The following SMARCA2 variants were observed in gnomAD, a reference collection of about 807,000 sequenced individuals.
SMARCA2 encodes SWI/SNF related BAF chromatin remodeling complex subunit ATPase 2.
A neutral mutation model predicts 199.8 loss-of-function variants in SMARCA2; 61 were observed. That is an observed-to-expected ratio of 0.31 (90% CI 0.25 to 0.38). The LOEUF (loss-of-function observed/expected upper bound fraction) is 0.38, where lower values mean the gene tolerates loss of function less well. Among genes scored for constraint, SMARCA2 ranks in the 10% least tolerant of loss-of-function variants. The pLI is 1.00. For missense variants in SMARCA2, 1,344 were observed against 2,012.2 expected (o/e 0.67, Z 6.35); for synonymous variants, 935 against 732.0 (o/e 1.28, Z -4.48).
intron 27 of SMARCA2, among the ~76,000 whole-genome samples, chr9:2,155,629 T>C (rs1241120725): frequency 2.6e-5 from 4 of 151,726 alleles, no homozygotes; most frequent in South Asian, 4.1e-4. Context: ...AGTGTATTAA[T>C]TGACCTTGTC....
At chr9:2,143,156 T>C (rs1223758591) in intron 27 of SMARCA2, among the ~76,000 whole-genome samples, 1 of 152,196 alleles carries the variant, frequency 6.6e-6, no homozygotes, top group Non-Finnish European at 1.5e-5. Context: ...TTTTAGCCTT[T>C]TCTTAAAAGA....
chr9:2,094,215 T>A (rs1822176815), intron 19 of SMARCA2, among the ~76,000 whole-genome samples: 3 of 152,214 alleles, frequency 2.0e-5, no homozygotes, highest in African/African-American at 7.2e-5. Context: ...GTGAAGCTTA[T>A]GTGATTTTTG....
At chr9:2,141,965 G>C (rs563812395) in intron 27 of SMARCA2, among the ~76,000 whole-genome samples, 60 of 152,242 alleles carry the variant, frequency 3.9e-4, no homozygotes, top group African/African-American at 1.3e-3. Flanking sequence ...CAGCCTCCTG[G>C]GGGCAGGTGA....
intron 27 of SMARCA2, among the ~76,000 whole-genome samples, chr9:2,156,369 C>CT (rs1294691375): frequency 1.8e-5 from 2 of 108,550 alleles, no homozygotes; most frequent in Non-Finnish European, 3.7e-5. Context: ...TTTTCAGGGA[C>CT]TTTTTTTTCT....
rs375804476 is a variant in SMARCA2 at position 2,184,780 on chromosome 9, A to G, written c.4462-1316A>G. On this transcript the variant is annotated intron_variant, in intron 31 of 33. Transcript: ENST00000349721. ...GCCCCTCATTTCTCACCGCTGAAGG[A>G]ATTCTTCTCATCTTTAAGATCCAGC... Among the ~76,000 whole-genome samples the G allele has an allele frequency of 1.1e-3, 167 of 151,936 alleles. 3 individuals carry two copies. Among genetic ancestry groups the G allele is most frequent in the African/African-American group, 3.6e-3 (149 of 41,402 alleles).
intron 27 of SMARCA2, among the ~76,000 whole-genome samples, chr9:2,140,849 T>G (rs1231054241): frequency 6.6e-6 from 1 of 152,106 alleles, no homozygotes; most frequent in Non-Finnish European, 1.5e-5. Context: ...AGTGGTAATG[T>G]GCATGTCTTT....
chr9:2,040,232 G>A (rs933380815), intron 4 of SMARCA2: 1 of 512,868 alleles, frequency 1.9e-6, no homozygotes, highest in Admixed American at 3.7e-5. Flanking sequence ...TCTGGACTTA[G>A]TGCATTTCAT....
rs144501382 is a variant in SMARCA2, at chr9:2,039,671, A to G, written c.561A>G (p.Leu187=). ...VQLHQLRAQI[L]AYKMLARGQP... is the part of the protein sequence containing the mutation. ...TGCATCAGCTTCGAGCTCAGATTTT[A>G]GCTTATAAAATGCTGGCCCGAGGCC... The change falls in exon 4 of 34, where the codon TTA becomes TTG. Residue 187 remains leucine (L), a synonymous_variant. Coordinates refer to ENST00000349721, the MANE Select transcript of SMARCA2 (RefSeq NM_003070.5). This position sits in a 1 kb window ranked among gnomAD's most constrained non-coding sequence, Gnocchi z 4.8. 14 of 1,613,976 alleles carry G rather than the reference A, an allele frequency of 8.7e-6. No homozygotes were observed. The African/African-American group carries it at 1.9e-4, about 22-fold the overall frequency.
At chr9:2,165,801 A>G (rs749769046) in intron 28 of SMARCA2, among the ~76,000 whole-genome samples, 2 of 152,216 alleles carry the variant, frequency 1.3e-5, no homozygotes, top group African/African-American at 2.4e-5. Flanking sequence ...CTCTAGAGAC[A>G]TGGCTTTCAG....
Position 2,119,024 on chromosome 9 carries a change from A to G in SMARCA2, c.3685-434A>G, listed in dbSNP as rs893108771. On this transcript the variant is annotated intron_variant, in intron 25 of 33. Coordinates refer to ENST00000349721, the MANE Select transcript of SMARCA2 (RefSeq NM_003070.5). The surrounding 1 kb of genome is among the most constrained non-coding windows in gnomAD (Gnocchi z 4.6). ...TTATGTCTTTTGTAAGGATTTGAAAATAAGCATTTATATTTGGCATAAGGT... is the reference window on the plus strand; with the variant it reads ...TTATGTCTTTTGTAAGGATTTGAAAGTAAGCATTTATATTTGGCATAAGGT... Among the ~76,000 whole-genome samples the G allele has an allele frequency of 1.3e-5, 2 of 152,216 alleles. No individual in the cohort carries two copies. Among genetic ancestry groups the G allele is most frequent in the African/African-American group, 2.4e-5 (1 of 41,442 alleles).
chr9:2,110,491 C>T lies in SMARCA2; in HGVS notation c.3456+74C>T, dbSNP rs1002734085. The T allele has an allele frequency of 3.3e-5, 41 of 1,249,534 alleles. No homozygotes were observed. Among genetic ancestry groups the T allele is most frequent in the Non-Finnish European group, 2.0e-5 (18 of 904,090 alleles). 77.4% of individuals were successfully genotyped at this position (1,249,534 alleles called of 1,614,324 possible). ...AAAAGATGATCAGTTTCATTATTCA[C>T]ATTTACAGGACAGAGCAAATATCTA... On this transcript the variant is annotated intron_variant, in intron 24 of 33. Coordinates refer to ENST00000349721, the MANE Select transcript of SMARCA2 (RefSeq NM_003070.5). The surrounding 1 kb of genome is among the most constrained non-coding windows in gnomAD (Gnocchi z 4.8).
intron 32 of SMARCA2, 54 bp from the exon 33 acceptor site, chr9:2,191,212 A>T: frequency 6.4e-7 from 1 of 1,574,040 alleles, no homozygotes; most frequent in Non-Finnish European, 8.7e-7. Flanking sequence ...CCACCTATAC[A>T]AAGATCTCCT....
Position 2,170,482 on chromosome 9 carries a change from T to G in SMARCA2, c.4253+10T>G. ...AAATAGAAGGAAACAGGTCAGGATC[T>G]GTCTTGTATTCCCCTATCTCTAAAT... On this transcript the variant is annotated intron_variant, in intron 29 of 33. Coordinates refer to ENST00000349721, the MANE Select transcript of SMARCA2 (RefSeq NM_003070.5). This position sits in a 1 kb window ranked among gnomAD's most constrained non-coding sequence, Gnocchi z 4.7. 6.2e-7 allele frequency: 1 copy of G among 1,614,106 alleles called. No individual in the cohort carries two copies. The highest frequency in any genetic ancestry group is 8.5e-7 in the Non-Finnish European group (1 of 1,179,952).
At position 2,119,378 on chromosome 9, in the gene SMARCA2, G is replaced by C; in HGVS notation, c.3685-80G>C. 1.1e-6 allele frequency: 1 copy of C among 901,082 alleles called. No homozygotes were observed. Among genetic ancestry groups the C allele is most frequent in the South Asian group, 1.4e-5 (1 of 73,674 alleles). The allele number at this position is 901,082 out of a possible 1,614,324, so 55.8% of individuals were successfully genotyped here. ...TGCCTTGAGAAATGGGACCCCTCTG[G>C]TCTGGAGGACAGATCACTTACTTGT... On this transcript the variant is annotated intron_variant, in intron 25 of 33. Coordinates refer to ENST00000349721, the MANE Select transcript of SMARCA2 (RefSeq NM_003070.5). The surrounding 1 kb of genome is among the most constrained non-coding windows in gnomAD (Gnocchi z 4.6).
intron 32 of SMARCA2, among the ~76,000 whole-genome samples, chr9:2,189,189 A>G (rs541806192): frequency 1.3e-5 from 2 of 152,270 alleles, no homozygotes; most frequent in South Asian, 2.1e-4. Context: ...TTGTGAGGAG[A>G]TGATATTCTG....
At chr9:2,140,052 C>T (rs566282743) in intron 27 of SMARCA2, among the ~76,000 whole-genome samples, 37 of 152,294 alleles carry the variant, frequency 2.4e-4, no homozygotes, top group African/African-American at 7.0e-4. Context: ...CTCTTACTGT[C>T]GTAATTTGCA....
chr9:2,035,470 G>A (rs1242068560), intron 3 of SMARCA2, among the ~76,000 whole-genome samples: 1 of 152,184 alleles, frequency 6.6e-6, no homozygotes, highest in African/African-American at 2.4e-5. Context: ...AGGAAAACCT[G>A]AAAACTAAAA....
intron 27 of SMARCA2, among the ~76,000 whole-genome samples, chr9:2,148,615 A>G (rs990298856): frequency 2.2e-4 from 33 of 151,482 alleles, no homozygotes; most frequent in African/African-American, 6.3e-4. Flanking sequence ...AGCATTAGGT[A>G]TAAGGAGATG....
At chr9:2,109,996 G>A (rs149360722) in intron 23 of SMARCA2, among the ~76,000 whole-genome samples, 1 of 152,308 alleles carries the variant, frequency 6.6e-6, no homozygotes, top group East Asian at 1.9e-4. Flanking sequence ...ATTGTTTTAG[G>A]TGAGAGTAAG....
Sources: gnomAD v4.1 joint callset for allele counts (sites outside exome capture counted in the v4.1 genomes callset) on GRCh38, gnomAD v4.1.1 for gene constraint, Gnocchi (gnomAD v3.1) non-coding constraint, MANE v1.5 for transcripts, NCBI Gene and HGNC (gene_info 2026-07-23, HGNC 2026-07-21) for gene names.